The following GON4L variants were observed in gnomAD, a reference collection of about 807,000 sequenced individuals.
The protein encoded by GON4L is gon-4 like, also known as GON-4-like protein.
Under a neutral mutation model 211.8 loss-of-function variants are expected in GON4L, and 87 were observed. The ratio of observed to expected loss-of-function variants is 0.41; its 90% CI spans 0.35 to 0.49. The LOEUF (loss-of-function observed/expected upper bound fraction) is 0.49, where lower values mean the gene tolerates loss of function less well. Ranked by LOEUF, GON4L falls within the 20% of genes least tolerant of loss-of-function variation. GON4L has a pLI of 0.15. For missense variants in GON4L, 2,155 were observed against 2,659.5 expected (o/e 0.81, Z 4.17); for synonymous variants, 875 against 962.6 (o/e 0.91, Z 1.68).
Position 155,797,866 on chromosome 1 carries a change from A to C in GON4L, c.1646-2715T>G, listed in dbSNP as rs577846935. ...ACTCCATCTAACAAGAAAAAAAAAA[A>C]AAAACACATATATATATCCTGGGCA... On this transcript the variant is annotated intron_variant, in intron 11 of 31. Coordinates refer to ENST00000368331, the MANE Select transcript of GON4L (RefSeq NM_001282860.2). Among the ~76,000 whole-genome samples the C allele has an allele frequency of 9.3e-5, 14 of 150,894 alleles. No individual in the cohort carries two copies. The South Asian group carries it at 1.9e-3, about 20-fold the overall frequency.
intron 2 of GON4L, among the ~76,000 whole-genome samples, chr1:155,834,350 A>T (rs934046764): frequency 2.6e-5 from 4 of 151,894 alleles, no homozygotes; most frequent in African/African-American, 9.7e-5. Flanking sequence ...CTTCTCTGTT[A>T]TCTTCTTCCT....
At chr1:155,783,889 G>T (rs1341459847) in intron 14 of GON4L, 97 bp downstream of exon 14, 1 of 1,558,554 alleles carries the variant, frequency 6.4e-7, no homozygotes, top group Non-Finnish European at 8.7e-7. Flanking sequence ...AACAGAAGCT[G>T]GTTTGGGATG....
At position 155,771,229 on chromosome 1, in the gene GON4L, G is replaced by C. The variant is rs1663159886; in HGVS notation, c.2496-12C>G. 1 of 1,613,766 alleles carries C rather than the reference G, an allele frequency of 6.2e-7. No homozygotes were observed. The highest frequency in any genetic ancestry group is 8.5e-7 in the Non-Finnish European group (1 of 1,179,774). On this transcript the variant is annotated splice_polypyrimidine_tract_variant and intron_variant, in intron 18 of 31. Coordinates refer to ENST00000368331, the MANE Select transcript of GON4L (RefSeq NM_001282860.2). ...CTAAAGCTAACAAACTGAGAAAGGA[G>C]AATAACACTAAATCTCACTTCACAG...
chr1:155,796,870 T>C lies in GON4L; in HGVS notation c.1646-1719A>G, dbSNP rs1335022342. Reference sequence around the variant, plus strand: ...AAAAGAGAATACCTAAATTTCTTACTATCATGTATCCATTAAATAGAAGAG... The same window carrying C: ...AAAAGAGAATACCTAAATTTCTTACCATCATGTATCCATTAAATAGAAGAG... On this transcript the variant is annotated intron_variant, in intron 11 of 31. Transcript: ENST00000368331. 3.9e-5 allele frequency among the ~76,000 whole-genome samples: 6 copies of C among 152,214 alleles called. No individual in the cohort carries two copies. In the East Asian group the frequency reaches 1.2e-3, roughly 29 times the overall value.
chr1:155,776,286 A>G, intron 16 of GON4L, 109 bp downstream of exon 16: 1 of 869,278 alleles, frequency 1.2e-6, no homozygotes, highest in Non-Finnish European at 1.9e-6. Context: ...AATCAAAAAT[A>G]CCCGAGAGAA....
intron 2 of GON4L, among the ~76,000 whole-genome samples, chr1:155,838,449 G>C (rs1023182184): frequency 6.6e-6 from 1 of 152,090 alleles, no homozygotes; most frequent in African/African-American, 2.4e-5. Flanking sequence ...TGGTTAACCA[G>C]GAAATAACTT....
At chr1:155,823,830 T>C (rs1033038338) in intron 3 of GON4L, among the ~76,000 whole-genome samples, 2 of 150,326 alleles carry the variant, frequency 1.3e-5, no homozygotes, top group East Asian at 2.0e-4. Flanking sequence ...GAGACGGAGG[T>C]TGCAGTGAGC....
intron 1 of GON4L, among the ~76,000 whole-genome samples, chr1:155,856,671 G>C (rs1672309971): frequency 6.8e-6 from 1 of 147,950 alleles, no homozygotes; most frequent in Admixed American, 6.6e-5. Context: ...ATTCCTGTGA[G>C]AGATGGTGGT....
chr1:155,855,694 T>C (rs1197662402), intron 1 of GON4L, among the ~76,000 whole-genome samples: 1 of 152,114 alleles, frequency 6.6e-6, no homozygotes, highest in African/African-American at 2.4e-5. Context: ...ATATAAAAAC[T>C]GATAGTGGCT....
intron 25 of GON4L, 103 bp from the exon 26 acceptor site, chr1:155,757,426 T>A: frequency 9.8e-7 from 1 of 1,017,636 alleles, no homozygotes; most frequent in African/African-American, 1.6e-5. Context: ...CCCAGTCAAC[T>A]GGGAAACACA....
At chr1:155,784,227 T>C (rs1664704467) in intron 13 of GON4L, 138 bp from the exon 14 acceptor site, 2 of 1,227,318 alleles carry the variant, frequency 1.6e-6, no homozygotes, top group East Asian at 2.5e-5. Flanking sequence ...ATGTCAGAAC[T>C]TTCTCACTTC....
intron 2 of GON4L, among the ~76,000 whole-genome samples, chr1:155,835,289 C>T (rs1670192742): frequency 6.6e-6 from 1 of 151,900 alleles, no homozygotes; most frequent in African/African-American, 2.4e-5. Context: ...TAAGTCATCA[C>T]CACTCCCTAA....
intron 1 of GON4L, among the ~76,000 whole-genome samples, chr1:155,856,018 T>A: frequency 6.8e-6 from 1 of 147,398 alleles, no homozygotes; most frequent in Admixed American, 6.7e-5. Flanking sequence ...GGCATCTTAT[T>A]ACCCAGGAAA....
At chr1:155,758,541 G>A (rs1661427772) in intron 24 of GON4L, among the ~76,000 whole-genome samples, 1 of 152,144 alleles carries the variant, frequency 6.6e-6, no homozygotes, top group South Asian at 2.1e-4. Context: ...GGAGGCTGAG[G>A]CAGGAGGATC....
chr1:155,765,814 G>A lies in GON4L; in HGVS notation c.3659C>T (p.Thr1220Ile). 6.2e-7 allele frequency: 1 copy of A among 1,614,206 alleles called. No individual in the cohort carries two copies. Among genetic ancestry groups the A allele is most frequent in the South Asian group, 1.1e-5 (1 of 91,084 alleles). Reference protein sequence around the residue: ...GNSVNLPIPSTPEDKAHVNVD... With the variant: ...GNSVNLPIPSIPEDKAHVNVD... ...ATTCACGTGGGCCTTATCTTCAGGG[G>A]TGGATGGTATAGGAAGATTCACAGA... Residue 1220 changes from threonine to isoleucine, a missense_variant, in exon 21 of 32, where the codon ACC becomes ATC. By Grantham distance (89) the Thr-to-Ile change is moderately conservative. Around this residue, in one of 6 missense-constraint regions of GON4L, gnomAD observed 615 missense variants for 625.7 expected, o/e 0.98. Transcript: ENST00000368331.
At chr1:155,830,227 G>A (rs1443624226) in intron 2 of GON4L, among the ~76,000 whole-genome samples, 1 of 151,430 alleles carries the variant, frequency 6.6e-6, no homozygotes, top group African/African-American at 2.4e-5. Flanking sequence ...TGGAATTACA[G>A]GCATGAGCCA....
In GON4L at chr1:155,765,106, C is replaced by CCATT; in HGVS notation, c.4363_4366dup (p.Gly1456GlufsTer12). 1.2e-6 allele frequency: 2 copies of CCATT among 1,614,124 alleles called. No homozygotes were observed. Among genetic ancestry groups the CCATT allele is most frequent in the Non-Finnish European group, 1.7e-6 (2 of 1,180,010 alleles). ...GTCCTCTTCTTCCTCTTCTTCTGGC[C>CCATT]CATTCTTCTCTCCTCCAGTTTCTGG... On this transcript the variant is annotated frameshift_variant, in exon 21 of 32. Coordinates refer to ENST00000368331, the MANE Select transcript of GON4L (RefSeq NM_001282860.2). LOFTEE classifies it high-confidence loss of function.
intron 12 of GON4L, among the ~76,000 whole-genome samples, chr1:155,790,344 C>T (rs1474648742): frequency 6.6e-6 from 1 of 151,660 alleles, no homozygotes; most frequent in African/African-American, 2.4e-5. Context: ...GTGATCTGCC[C>T]ACCCTGGCCT....
chr1:155,783,740 G>A (rs1035992372), intron 14 of GON4L, among the ~76,000 whole-genome samples: 3 of 152,192 alleles, frequency 2.0e-5, no homozygotes, highest in Non-Finnish European at 4.4e-5. Context: ...CTCACCCGGA[G>A]AAGTGGATAT....
Sources: gnomAD v4.1 joint callset for allele counts (sites outside exome capture counted in the v4.1 genomes callset) on GRCh38, gnomAD v4.1.1 for gene constraint, gnomAD v4.1.1 regional missense constraint, MANE v1.5 for transcripts, NCBI Gene and HGNC (gene_info 2026-07-23, HGNC 2026-07-21) for gene names.